The following ABCB1 variants were observed in gnomAD, a reference collection of about 807,000 sequenced individuals.
The protein encoded by ABCB1 is ATP binding cassette subfamily B member 1, also known as ATP-dependent translocase ABCB1.
ABCB1 carries 69 observed loss-of-function variants against 142.0 expected under a neutral mutation model. The observed-to-expected ratio is 0.49, with a 90% CI of 0.40 to 0.59. The LOEUF is 0.59. Ranked by LOEUF, ABCB1 falls within the 20% of genes least tolerant of loss-of-function variation. ABCB1 has a pLI of 0.00. For synonymous variants in ABCB1, 532 were observed against 539.2 expected (o/e 0.99, Z 0.18); for missense variants, 1,326 against 1,554.7 (o/e 0.85, Z 2.47).
At chr7:87,650,798 GCAA>G (rs1351486908) in intron 1 of ABCB1, 1 of 1,446,044 alleles carries the variant, frequency 6.9e-7, no homozygotes, top group Non-Finnish European at 9.7e-7. Context: ...CTGCCTAAAA[GCAA>G]CAATAATCTT....
chr7:87,537,785 C>T (rs1001055893), intron 19 of ABCB1, among the ~76,000 whole-genome samples: 1 of 151,974 alleles, frequency 6.6e-6, no homozygotes, highest in African/African-American at 2.4e-5. Flanking sequence ...CTTTGTAAAA[C>T]CATTTATATT....
chr7:87,649,423 T>C (rs897555964), intron 1 of ABCB1, among the ~76,000 whole-genome samples: 1 of 152,146 alleles, frequency 6.6e-6, no homozygotes, highest in Non-Finnish European at 1.5e-5. Flanking sequence ...CCTAATAAGA[T>C]GAAGATTGAA....
chr7:87,578,696 T>C (rs532055819), intron 4 of ABCB1, among the ~76,000 whole-genome samples: 7 of 146,424 alleles, frequency 4.8e-5, no homozygotes, highest in Admixed American at 1.4e-4. Context: ...TACTTTCTTT[T>C]TTTTTTTTTT....
At chr7:87,593,915 A>G (rs1322668138) in intron 3 of ABCB1, among the ~76,000 whole-genome samples, 1 of 152,164 alleles carries the variant, frequency 6.6e-6, no homozygotes, top group Non-Finnish European at 1.5e-5. Flanking sequence ...GTTGTAATAA[A>G]CATTAGCCAT....
At chr7:87,694,060 T>C in intron 1 of ABCB1, 5 of 1,545,278 alleles carry the variant, frequency 3.2e-6, no homozygotes, top group African/African-American at 1.4e-5. Context: ...TTTTAGTACA[T>C]TGCATGGGTT....
chr7:87,594,134 G>T (rs1819101562), intron 3 of ABCB1, among the ~76,000 whole-genome samples: 1 of 152,126 alleles, frequency 6.6e-6, no homozygotes, highest in African/African-American at 2.4e-5. Flanking sequence ...GACTTTTCAG[G>T]AAAAAGATGT....
At chr7:87,572,680 A>C (rs1460504219) in intron 4 of ABCB1, among the ~76,000 whole-genome samples, 1 of 152,218 alleles carries the variant, frequency 6.6e-6, no homozygotes, top group Non-Finnish European at 1.5e-5. Context: ...GGATAAAGAA[A>C]ATGTGGTACA....
intron 1 of ABCB1, among the ~76,000 whole-genome samples, chr7:87,614,054 G>T (rs1411933904): frequency 6.6e-6 from 1 of 150,954 alleles, no homozygotes; most frequent in Admixed American, 6.6e-5. Context: ...TCTAAATATT[G>T]TATTTTTTTT....
chr7:87,688,806 T>C (rs1462923745), intron 1 of ABCB1, among the ~76,000 whole-genome samples: 1 of 152,032 alleles, frequency 6.6e-6, no homozygotes, highest in Non-Finnish European at 1.5e-5. Flanking sequence ...TATTGTAGCA[T>C]TCTTAATTAC....
chr7:87,601,883 T>A (rs1819469171), upstream of ABCB1, among the ~76,000 whole-genome samples: 1 of 152,266 alleles, frequency 6.6e-6, no homozygotes, highest in African/African-American at 2.4e-5. Context: ...TTTCTTTAAA[T>A]AACTCATACT....
intron 1 of ABCB1, among the ~76,000 whole-genome samples, chr7:87,644,362 A>G (rs1489166193): frequency 6.6e-6 from 1 of 152,218 alleles, no homozygotes; most frequent in Non-Finnish European, 1.5e-5. Flanking sequence ...TGTTATTTTA[A>G]TGGCAGAGGA....
At chr7:87,615,642 C>T (rs1487104645) in intron 1 of ABCB1, among the ~76,000 whole-genome samples, 1 of 152,188 alleles carries the variant, frequency 6.6e-6, no homozygotes, top group East Asian at 1.9e-4. Context: ...AGTGCTTAGA[C>T]TCTGGATATA....
At chr7:87,547,998 C>G (rs1466669713) in intron 14 of ABCB1, among the ~76,000 whole-genome samples, 6 of 147,092 alleles carry the variant, frequency 4.1e-5, no homozygotes, top group Admixed American at 2.1e-4. Context: ...AGCCTGGTGA[C>G]AGAGTGAGAA....
In ABCB1 at chr7:87,534,928, A is replaced by AAAAAC. The variant is rs1554429135; in HGVS notation, c.2481+1529_2481+1530insGTTTT. ...AGACCCTGTCTCTTTAAAAAAAAAA[A>AAAAAC]AAAAAAAAAAAACTCCATTTTTTTT... On this transcript the variant is annotated intron_variant, in intron 20 of 27. Coordinates refer to ENST00000622132, the MANE Select transcript of ABCB1 (RefSeq NM_001348946.2). Among the ~76,000 whole-genome samples, 13 of 141,326 alleles carry AAAAAC rather than the reference A, an allele frequency of 9.2e-5. No individual in the cohort carries two copies. In the East Asian group the frequency reaches 2.4e-3, roughly 26 times the overall value. The allele number at this position is 141,326 out of a possible 152,430, so 92.7% of individuals were successfully genotyped here.
chr7:87,555,558 C>T (rs1221621949), intron 8 of ABCB1, among the ~76,000 whole-genome samples: 3 of 152,166 alleles, frequency 2.0e-5, no homozygotes, highest in Non-Finnish European at 4.4e-5. Context: ...GTGAAATTTA[C>T]ATCACTACCG....
chr7:87,692,009 A>G (rs1271368776), intron 1 of ABCB1, among the ~76,000 whole-genome samples: 4 of 152,204 alleles, frequency 2.6e-5, no homozygotes. Context: ...CTTGTCTAGA[A>G]TGGTTTAATC....
chr7:87,687,908 A>G (rs1402353920), intron 1 of ABCB1, among the ~76,000 whole-genome samples: 1 of 152,164 alleles, frequency 6.6e-6, no homozygotes, highest in Non-Finnish European at 1.5e-5. Flanking sequence ...AAACCTGTTC[A>G]TTTGGCTTTT....
intron 1 of ABCB1, among the ~76,000 whole-genome samples, chr7:87,614,858 G>C (rs543698071): frequency 1.3e-5 from 2 of 151,428 alleles, no homozygotes; most frequent in East Asian, 1.9e-4. Context: ...TGGTGGGGGG[G>C]GCCGGGGAAC....
intron 1 of ABCB1, among the ~76,000 whole-genome samples, chr7:87,678,615 A>C (rs1826612692): frequency 6.6e-6 from 1 of 152,218 alleles, no homozygotes; most frequent in South Asian, 2.1e-4. Flanking sequence ...GATATGTTAA[A>C]TATAAATGGC....
Sources: allele counts gnomAD v4.1 joint callset (sites outside exome capture counted in the v4.1 genomes callset), GRCh38; gene constraint gnomAD v4.1.1; transcripts MANE v1.5; gene names NCBI Gene and HGNC (gene_info 2026-07-23, HGNC 2026-07-21).